KMT5B: variants seen among roughly 807,000 people sequenced by gnomAD.
KMT5B encodes the protein lysine methyltransferase 5B, also known as histone-lysine N-methyltransferase KMT5B.
Under a neutral mutation model 83.2 loss-of-function variants are expected in KMT5B, and 10 were observed. The ratio of observed to expected loss-of-function variants is 0.12; its 90% CI spans 0.07 to 0.20. KMT5B has a LOEUF of 0.20. Ranked by LOEUF, KMT5B falls within the 10% of genes least tolerant of loss-of-function variation. The probability of loss-of-function intolerance (pLI) is 1.00; values close to 1 mark genes in which losing one functional copy is unlikely to be tolerated. For synonymous variants in KMT5B, 349 were observed against 388.8 expected, an observed-to-expected ratio of 0.90 and a Z score of 1.20; for missense variants, 753 against 1,067.2, an observed-to-expected ratio of 0.71 and a Z score of 4.10.
At position 68,158,263 on chromosome 11, in the gene KMT5B, T is replaced by C. The variant is rs778563708; in HGVS notation, c.2083A>G (p.Lys695Glu). ...TKDSFRTAKS[K>E]KKRRITRYDA... ...TACCTTGTGATTCGCCTCTTCTTTT[T>C]ACTTTTTGCAGTTCTAAAGCTGTCT... Residue 695 changes from lysine (K) to glutamate (E), a missense_variant, in exon 11 of 11, where the codon AAA (lysine) becomes GAA (glutamate). Physicochemically the swap from Lys to Glu is moderately conservative, Grantham distance 56 (BLOSUM62 1). Coordinates refer to ENST00000304363, the MANE Select transcript of KMT5B (RefSeq NM_017635.5). 1.2e-5 allele frequency: 19 copies of C among 1,614,214 alleles called. No individual in the cohort carries two copies. The highest frequency in any genetic ancestry group is 1.6e-5 in the Non-Finnish European group (19 of 1,180,034).
chr11:68,184,223 T>A (rs1290553590), intron 3 of KMT5B, among the ~76,000 whole-genome samples: 1 of 151,788 alleles, frequency 6.6e-6, no homozygotes, highest in African/African-American at 2.4e-5. Flanking sequence ...AATACAAAAA[T>A]TAGCTGGGTG....
chr11:68,156,603 T>C lies in KMT5B; in HGVS notation c.*1085A>G, dbSNP rs1859313636. Reference sequence around the variant, plus strand: ...ATATTTCTAAACTTAAAAACCTTCCTGGTAAGTTCTTTTAATTTCTTATGA... The same window carrying C: ...ATATTTCTAAACTTAAAAACCTTCCCGGTAAGTTCTTTTAATTTCTTATGA... On this transcript the variant is annotated 3_prime_UTR_variant, in exon 11 of 11. Transcript: ENST00000304363. The C allele has an allele frequency of 6.6e-6, 1 of 152,638 alleles. No individual in the cohort carries two copies. Among genetic ancestry groups the C allele is most frequent in the Non-Finnish European group, 1.5e-5 (1 of 68,032 alleles). The allele number at this position is 152,638 out of a possible 1,614,324, so 9.5% of individuals were successfully genotyped here. A position where few individuals can be genotyped will look rare whatever the true frequency, so the allele number is the denominator to read the frequency against.
chr11:68,158,846 G>C lies in KMT5B; in HGVS notation c.1500C>G (p.Ala500=). The C allele has an allele frequency of 6.2e-7, 1 of 1,614,088 alleles. No homozygotes were observed. The highest frequency in any genetic ancestry group is 8.5e-7 in the Non-Finnish European group (1 of 1,180,030). Residue 500 remains alanine (A), a synonymous_variant, in exon 11 of 11, where the codon GCC becomes GCG. Transcript: ENST00000304363. ...AGCACCCGCTGGCAACTGCGGCTTG[G>C]GCTGGTCCCTCTGGCTCCTTATCTT... The part of the protein sequence containing the change: ...IKKDKEPEGP[A]QAAVASGCLT...
chr11:68,184,202 T>C (rs1857216826), intron 3 of KMT5B, among the ~76,000 whole-genome samples: 1 of 151,882 alleles, frequency 6.6e-6, no homozygotes, highest in South Asian at 2.1e-4. Flanking sequence ...TGAAACCTCA[T>C]CTACACTAAA....
At chr11:68,209,805 TA>T (rs2153092716) in intron 1 of KMT5B, among the ~76,000 whole-genome samples, 1 of 152,180 alleles carries the variant, frequency 6.6e-6, no homozygotes, top group South Asian at 2.1e-4. Flanking sequence ...GAGCCACGTG[TA>T]CCACCTAGAG....
At chr11:68,210,452 C>T (rs1050431811) in intron 1 of KMT5B, among the ~76,000 whole-genome samples, 1 of 152,280 alleles carries the variant, frequency 6.6e-6, no homozygotes, top group Admixed American at 6.5e-5. Context: ...AGCATTAATA[C>T]AATTTTGGAT....
intron 3 of KMT5B, among the ~76,000 whole-genome samples, chr11:68,181,785 A>T (rs1283376129): frequency 6.6e-6 from 1 of 152,224 alleles, no homozygotes; most frequent in Admixed American, 6.5e-5. Context: ...CCTTTCACCA[A>T]GATTATTGTA....
At chr11:68,195,404 G>T (rs896448604) in intron 1 of KMT5B, among the ~76,000 whole-genome samples, 1 of 152,040 alleles carries the variant, frequency 6.6e-6, no homozygotes, top group Non-Finnish European at 1.5e-5. Context: ...CTGTTGTGAG[G>T]ATCACATGAA....
At chr11:68,187,422 C>A (rs895296598) in intron 2 of KMT5B, among the ~76,000 whole-genome samples, 2 of 152,174 alleles carry the variant, frequency 1.3e-5, no homozygotes, top group Non-Finnish European at 2.9e-5. Flanking sequence ...TTTCTGATTT[C>A]CTTTTTGATT....
chr11:68,179,181 A>G (rs1022571762), intron 4 of KMT5B, among the ~76,000 whole-genome samples: 4 of 125,298 alleles, frequency 3.2e-5, no homozygotes, highest in African/African-American at 6.1e-5. Flanking sequence ...TACTGACAAT[A>G]CAGTGGAAGG....
intron 4 of KMT5B, chr11:68,179,659 A>T (rs1856726882): frequency 1.7e-6 from 2 of 1,207,056 alleles, no homozygotes; most frequent in South Asian, 1.5e-5. Flanking sequence ...AAAAAGGGAG[A>T]CAGGGAAGGA....
intron 1 of KMT5B, among the ~76,000 whole-genome samples, chr11:68,200,583 A>C (rs1292317665): frequency 6.6e-6 from 1 of 152,246 alleles, no homozygotes; most frequent in Non-Finnish European, 1.5e-5. Context: ...CTCGCAGGCC[A>C]GAAAAGACAA....
At chr11:68,193,673 T>C (rs1221576807) in intron 1 of KMT5B, among the ~76,000 whole-genome samples, 2 of 152,194 alleles carry the variant, frequency 1.3e-5, no homozygotes, top group South Asian at 2.1e-4. Flanking sequence ...TTCTATCTAT[T>C]CTACATCAGT....
chr11:68,174,898 G>T, intron 5 of KMT5B, 120 bp downstream of exon 5: 1 of 934,066 alleles, frequency 1.1e-6, no homozygotes, highest in South Asian at 1.8e-5. Flanking sequence ...AAGATCTTCA[G>T]ACTGATTAGT....
intron 10 of KMT5B, among the ~76,000 whole-genome samples, chr11:68,161,964 C>T (rs770897536): frequency 8.5e-5 from 13 of 152,192 alleles, no homozygotes; most frequent in African/African-American, 1.4e-4. Flanking sequence ...CTCCTGACGA[C>T]GTCCCCTTTC....
At chr11:68,178,414 C>T (rs1856584037) in intron 4 of KMT5B, among the ~76,000 whole-genome samples, 1 of 152,164 alleles carries the variant, frequency 6.6e-6, no homozygotes, top group African/African-American at 2.4e-5. Flanking sequence ...TAGTATTCTG[C>T]CTACCTTCCC....
intron 4 of KMT5B, chr11:68,176,597 A>G (rs1406421485): frequency 1.3e-5 from 2 of 152,228 alleles, no homozygotes; most frequent in African/African-American, 4.8e-5. Context: ...CATCCTGGCC[A>G]ACCTGGTGAA....
intron 3 of KMT5B, among the ~76,000 whole-genome samples, chr11:68,184,404 AC>A (rs1857235159): frequency 6.6e-6 from 1 of 152,182 alleles, no homozygotes; most frequent in African/African-American, 2.4e-5. Context: ...TATGAAAAAA[AC>A]AAAAGCATAT....
chr11:68,183,789 A>G (rs1257328981), intron 3 of KMT5B, among the ~76,000 whole-genome samples: 1 of 150,118 alleles, frequency 6.7e-6, no homozygotes, highest in Non-Finnish European at 1.5e-5. Context: ...CCTCCTGAGT[A>G]GCCAGGACTA....
Sources: gnomAD v4.1 joint callset for allele counts (sites outside exome capture counted in the v4.1 genomes callset) on GRCh38, gnomAD v4.1.1 for gene constraint, MANE v1.5 for transcripts, NCBI Gene and HGNC (gene_info 2026-07-23, HGNC 2026-07-21) for gene names.